The following TPRG1 variants were observed in gnomAD, a reference collection of about 807,000 sequenced individuals.
TPRG1 encodes tumor protein p63-regulated gene 1 protein.
In TPRG1, 29 loss-of-function variants were observed where a neutral mutation model predicts 29.3. The ratio of observed to expected loss-of-function variants is 0.99; its 90% CI spans 0.74 to 1.35. TPRG1 has a LOEUF of 1.35. TPRG1 is among the 40% of genes most tolerant of loss of function. The pLI, the probability that TPRG1 is intolerant of heterozygous loss-of-function variation, is 0.00. For missense variants in TPRG1, 327 were observed against 335.0 expected, an observed-to-expected ratio of 0.98 and a Z score of 0.19; for synonymous variants, 130 against 116.8, an observed-to-expected ratio of 1.11 and a Z score of -0.73.
chr3:189,183,594 G>A (rs1730531602), intron 1 of TPRG1, among the ~76,000 whole-genome samples: 8 of 151,966 alleles, frequency 5.3e-5, no homozygotes, highest in Admixed American at 4.6e-4. Context: ...GCCATCTATA[G>A]ACCCACCCCC....
chr3:189,269,035 T>C (rs1328943518), intron 4 of TPRG1, among the ~76,000 whole-genome samples: 1 of 152,142 alleles, frequency 6.6e-6, no homozygotes, highest in African/African-American at 2.4e-5. Context: ...AACAATTAAA[T>C]TTCTAACTCT....
intron 1 of TPRG1, among the ~76,000 whole-genome samples, chr3:189,176,191 T>C (rs984216878): frequency 7.2e-5 from 11 of 152,206 alleles, no homozygotes; most frequent in Non-Finnish European, 1.0e-4. Flanking sequence ...ATGTGTATGA[T>C]TGTGTGTGGG....
chr3:189,189,984 A>G (rs1248542800), intron 1 of TPRG1, among the ~76,000 whole-genome samples: 2 of 152,200 alleles, frequency 1.3e-5, no homozygotes. Flanking sequence ...GCTATAGCCC[A>G]TTTAAAAGGG....
intron 1 of TPRG1, among the ~76,000 whole-genome samples, chr3:189,100,554 A>C (rs1719071241): frequency 6.6e-6 from 1 of 152,206 alleles, no homozygotes; most frequent in African/African-American, 2.4e-5. Context: ...ATATTTGCAC[A>C]GTGTGTCTTC....
At chr3:189,141,391 G>A (rs896854052) in intron 3 of TPRG1, among the ~76,000 whole-genome samples, 2 of 142,168 alleles carry the variant, frequency 1.4e-5, no homozygotes, top group South Asian at 2.4e-4. Flanking sequence ...TCATTCATTT[G>A]TTTAAAACCT....
intron 3 of TPRG1, among the ~76,000 whole-genome samples, chr3:189,224,221 G>A (rs569517590): frequency 2.0e-5 from 3 of 152,316 alleles, no homozygotes; most frequent in African/African-American, 4.8e-5. Context: ...GGTGGCTTAC[G>A]CCTGTAATCC....
At chr3:189,097,202 G>T (rs1169253492), upstream of TPRG1, among the ~76,000 whole-genome samples, 1 of 152,148 alleles carries the variant, frequency 6.6e-6, no homozygotes, top group East Asian at 1.9e-4. Context: ...AATAAAAAAA[G>T]TTTTAAGTAT....
At chr3:189,090,449 A>T (rs1283305820) in intron 4 of TPRG1, among the ~76,000 whole-genome samples, 2 of 152,118 alleles carry the variant, frequency 1.3e-5, no homozygotes, top group African/African-American at 4.8e-5. Flanking sequence ...TAAATTATTC[A>T]GATCTGTATT....
At chr3:189,019,350 G>A (rs1269728798) in intron 3 of TPRG1, among the ~76,000 whole-genome samples, 44 of 152,254 alleles carry the variant, frequency 2.9e-4, no homozygotes, top group South Asian at 1.7e-3. Context: ...CCCATTCAGT[G>A]TGATATTGGC....
At chr3:189,268,627 G>A (rs2109071761) in intron 4 of TPRG1, among the ~76,000 whole-genome samples, 1 of 152,298 alleles carries the variant, frequency 6.6e-6, no homozygotes, top group Admixed American at 6.5e-5. Context: ...CCCACTTTGA[G>A]GTTCTATAAT....
At chr3:189,314,215 G>A (rs9822201) in intron 5 of TPRG1, among the ~76,000 whole-genome samples, 84,109 of 151,814 alleles carry the variant, frequency 0.55, 24,320 homozygotes, top group African/African-American at 0.7. Flanking sequence ...TTGCATTTCT[G>A]TAGAACTTGG....
chr3:189,128,174 C>A (rs900706363), intron 2 of TPRG1, among the ~76,000 whole-genome samples: 1 of 152,148 alleles, frequency 6.6e-6, no homozygotes, highest in African/African-American at 2.4e-5. Flanking sequence ...TCCTGTTTGT[C>A]GTGTACTCTT....
intron 1 of TPRG1, among the ~76,000 whole-genome samples, chr3:189,118,621 C>A (rs1198450135): frequency 6.6e-6 from 1 of 152,190 alleles, no homozygotes; most frequent in Non-Finnish European, 1.5e-5. Context: ...TGGTGCTCTG[C>A]ATCCCAGCTG....
intron 1 of TPRG1, among the ~76,000 whole-genome samples, chr3:189,181,068 C>T (rs2108694688): frequency 6.6e-6 from 1 of 152,326 alleles, no homozygotes; most frequent in Admixed American, 6.5e-5. Flanking sequence ...ATGTTGGCCC[C>T]TTTCAGCCAT....
intron 2 of TPRG1, among the ~76,000 whole-genome samples, chr3:189,212,779 C>T (rs1735473255): frequency 6.6e-6 from 1 of 152,178 alleles, no homozygotes; most frequent in Non-Finnish European, 1.5e-5. Context: ...ACATTCTTTT[C>T]TATACCACTC....
rs539040575 is a variant in TPRG1, at chr3:189,122,865, C to A, written c.-743-4192C>A. ...TTTAACAAATGAAAAAATTGAGGCCCGGAGGAACTAAGTCAAATAGTTAGA... is the reference window on the plus strand; with the variant it reads ...TTTAACAAATGAAAAAATTGAGGCCAGGAGGAACTAAGTCAAATAGTTAGA... On this transcript the variant is annotated intron_variant, in intron 1 of 6. Coordinates refer to the TPRG1 transcript ENST00000412373. Among the ~76,000 whole-genome samples the A allele has an allele frequency of 2.6e-5, 4 of 152,154 alleles. No homozygotes were observed. In the South Asian group the frequency reaches 6.2e-4, roughly 24 times the overall value.
chr3:189,017,396 C>T (rs1171287291), intron 3 of TPRG1, among the ~76,000 whole-genome samples: 2 of 152,062 alleles, frequency 1.3e-5, no homozygotes, highest in Non-Finnish European at 2.9e-5. Context: ...CACCTCACAA[C>T]AGTCCCCAGA....
chr3:189,215,900 C>G (rs1191583778), intron 3 of TPRG1, among the ~76,000 whole-genome samples: 2 of 152,110 alleles, frequency 1.3e-5, no homozygotes, highest in South Asian at 4.1e-4. Flanking sequence ...AAAACCAAGT[C>G]GAACATTCAA....
At chr3:189,060,195 G>A (rs1231054829) in intron 4 of TPRG1, among the ~76,000 whole-genome samples, 1 of 152,152 alleles carries the variant, frequency 6.6e-6, no homozygotes, top group Non-Finnish European at 1.5e-5. Flanking sequence ...TTGCGCCATT[G>A]CACTCCAGCC....
Sources: gnomAD v4.1 joint callset for allele counts (sites outside exome capture counted in the v4.1 genomes callset) on GRCh38, gnomAD v4.1.1 for gene constraint, MANE v1.5 for transcripts, NCBI Gene and HGNC (gene_info 2026-07-23, HGNC 2026-07-21) for gene names.